INTS13: variants seen among roughly 807,000 people sequenced by gnomAD.
The protein encoded by INTS13 is asunder, spermatogenesis regulator homolog (Drosphila).
INTS13 carries 35 observed loss-of-function variants against 90.2 expected under a neutral mutation model. The observed-to-expected ratio is 0.39, with a 90% CI of 0.30 to 0.51. The LOEUF is 0.51. Among genes scored for constraint, INTS13 ranks in the 20% least tolerant of loss-of-function variants. The probability of loss-of-function intolerance (pLI) is 0.80; values close to 1 mark genes in which losing one functional copy is unlikely to be tolerated. For missense variants in INTS13, 601 were observed against 851.2 expected (o/e 0.71, Z 3.66); for synonymous variants, 309 against 277.1 (o/e 1.11, Z -1.14).
chr12:26,915,981 T>G (rs976070267), intron 11 of INTS13, 21 bp downstream of exon 11: 18 of 1,548,446 alleles, frequency 1.2e-5, no homozygotes, highest in Non-Finnish European at 1.6e-5. Flanking sequence ...AACTTAAAAT[T>G]TATAGATATT....
At position 26,913,456 on chromosome 12, in the gene INTS13, CCTCT is replaced by C; in HGVS notation, c.1802_1805del (p.Glu601AspfsTer2). ...GTGCTATATCAATGCCAGGAAGTCA[CCTCT>C]CTGAGTCTTGCCAAGACTTTTCCTG... On this transcript the variant is annotated frameshift_variant and splice_region_variant, in exon 14 of 17. Coordinates refer to ENST00000261191, the MANE Select transcript of INTS13 (RefSeq NM_018164.3). LOFTEE classifies it high-confidence loss of function. 6.2e-7 allele frequency: 1 copy of C among 1,613,608 alleles called. No homozygotes were observed. Among genetic ancestry groups the C allele is most frequent in the Non-Finnish European group, 8.5e-7 (1 of 1,179,610 alleles).
intron 8 of INTS13, among the ~76,000 whole-genome samples, chr12:26,921,548 G>T (rs753015905): frequency 2.0e-5 from 3 of 152,224 alleles, no homozygotes; most frequent in Non-Finnish European, 4.4e-5. Context: ...GGATGAACTA[G>T]TCAGTCTGGT....
chr12:26,913,368 T>C, intron 14 of INTS13, 89 bp downstream of exon 14: 1 of 875,188 alleles, frequency 1.1e-6, no homozygotes, highest in Non-Finnish European at 1.8e-6. Context: ...GAACTACTAT[T>C]AAATCAGGTT....
chr12:26,911,125 A>T, intron 15 of INTS13, 53 bp downstream of exon 15: 1 of 1,565,834 alleles, frequency 6.4e-7, no homozygotes, highest in Non-Finnish European at 8.6e-7. Flanking sequence ...GTAAGCCACC[A>T]CACCCGGCCT....
chr12:26,913,582 G>A lies in INTS13; in HGVS notation c.1680C>T (p.Cys560=). ...HQRVLECLMA[C]RSKPPEEEER... ...CTTCCTCTTCTGGGGGTTTGCTCCT[G>A]CATGCCATCAGACATTCCAAGACTC... The change falls in exon 14 of 17, where the codon TGC becomes TGT. Residue 560 remains cysteine, a synonymous_variant. Coordinates refer to ENST00000261191, the MANE Select transcript of INTS13 (RefSeq NM_018164.3). 1 of 1,614,000 alleles carries A rather than the reference G, an allele frequency of 6.2e-7. No individual in the cohort carries two copies. Among genetic ancestry groups the A allele is most frequent in the Non-Finnish European group, 8.5e-7 (1 of 1,179,984 alleles).
At chr12:26,931,100 T>A (rs1362137760) in intron 3 of INTS13, among the ~76,000 whole-genome samples, 2 of 151,718 alleles carry the variant, frequency 1.3e-5, no homozygotes, top group Admixed American at 6.6e-5. Flanking sequence ...AGCATTCTAT[T>A]TAAAACTAAC....
intron 3 of INTS13, 67 bp downstream of exon 3, chr12:26,934,488 AT>A (rs1307779049): frequency 1.3e-5 from 15 of 1,189,080 alleles, no homozygotes; most frequent in African/African-American, 4.6e-5. Context: ...AAAATTAGTC[AT>A]TTTTTTAAAA....
chr12:26,908,521 A>C (rs1446961387), intron 15 of INTS13, among the ~76,000 whole-genome samples: 1 of 152,038 alleles, frequency 6.6e-6, no homozygotes, highest in East Asian at 1.9e-4. Context: ...ATCTATATCA[A>C]CAAATGGTTA....
At chr12:26,927,553 T>A (rs949966237) in intron 5 of INTS13, among the ~76,000 whole-genome samples, 2 of 152,212 alleles carry the variant, frequency 1.3e-5, no homozygotes, top group African/African-American at 4.8e-5. Context: ...TGGTACATAC[T>A]GAATAACGCC....
intron 5 of INTS13, among the ~76,000 whole-genome samples, chr12:26,927,033 G>A (rs951998118): frequency 1.2e-4 from 18 of 152,226 alleles, no homozygotes; most frequent in African/African-American, 4.3e-4. Context: ...ACACATCCAT[G>A]TGCTGGGAGG....
At chr12:26,912,364 G>A (rs532396121) in intron 14 of INTS13, among the ~76,000 whole-genome samples, 1 of 152,154 alleles carries the variant, frequency 6.6e-6, no homozygotes, top group Non-Finnish European at 1.5e-5. Flanking sequence ...TTGAACCCAG[G>A]AGGCAGAGGC....
At chr12:26,925,695 T>A in intron 6 of INTS13, 66 bp downstream of exon 6, 1 of 1,296,570 alleles carries the variant, frequency 7.7e-7, no homozygotes, top group Non-Finnish European at 1.1e-6. Flanking sequence ...ATTTTAATGA[T>A]AACCCTTCTC....
chr12:26,928,923 C>T lies in INTS13; in HGVS notation c.301-18G>A. 6.2e-7 allele frequency: 1 copy of T among 1,609,204 alleles called. No homozygotes were observed. The highest frequency in any genetic ancestry group is 1.3e-5 in the African/African-American group (1 of 74,898). On this transcript the variant is annotated intron_variant, in intron 3 of 16. Coordinates refer to ENST00000261191, the MANE Select transcript of INTS13 (RefSeq NM_018164.3). ...GCCATTAGCTAAGTAAAAGGGAAAA[C>T]AATTATGTTGACAAGAGTATGTGCA...
rs755345565 is a variant in INTS13 at position 26,905,580 on chromosome 12, T to C, written c.2082-44A>G. 7 of 1,559,548 alleles carry C rather than the reference T, an allele frequency of 4.5e-6. No individual in the cohort carries two copies. In the South Asian group the frequency reaches 8.0e-5, roughly 18 times the overall value. ...AACGAGTTGATAAAATAAATATTCA[T>C]TAACATTTTGTCTCCTTATCTACCT... On this transcript the variant is annotated intron_variant, in intron 16 of 16. Transcript: ENST00000261191.
At chr12:26,919,496 A>G (rs1952044594) in intron 8 of INTS13, among the ~76,000 whole-genome samples, 1 of 152,206 alleles carries the variant, frequency 6.6e-6, no homozygotes, top group Non-Finnish European at 1.5e-5. Context: ...GAGGGTAAAG[A>G]GTAGATAGGG....
In INTS13 at chr12:26,913,997, A is replaced by G. The variant is rs149253141; in HGVS notation, c.1551T>C (p.Gly517=). 3 of 1,609,780 alleles carry G rather than the reference A, an allele frequency of 1.9e-6. No individual in the cohort carries two copies. The highest frequency in any genetic ancestry group is 8.5e-7 in the Non-Finnish European group (1 of 1,178,910). ...ACCTTTTAGGGCCCTTTCCTCTTGTACCAACTGTGGAAATAGGTAGAGGAT... is the reference window on the plus strand; with the variant it reads ...ACCTTTTAGGGCCCTTTCCTCTTGTGCCAACTGTGGAAATAGGTAGAGGAT... ...KNDPLPISTV[G]TRGKGPKRDE... Residue 517 remains glycine (G), a synonymous_variant, in exon 13 of 17, where the codon GGT becomes GGC. Transcript: ENST00000261191.
In INTS13 at chr12:26,914,729, T is replaced by C. The variant is rs75963799; in HGVS notation, c.1249-151A>G. ...GTATCCCTTAACTCCACTACTTTTT[T>C]ATCCTTTCTGAACTTGAAACCTATC... On this transcript the variant is annotated intron_variant, in intron 11 of 16. Coordinates refer to ENST00000261191, the MANE Select transcript of INTS13 (RefSeq NM_018164.3). 3.7e-3 allele frequency: 2,048 copies of C among 554,768 alleles called. 60 individuals are homozygous for C. In the East Asian group the frequency reaches 0.057, roughly 15 times the overall value. 34.4% of individuals were successfully genotyped at this position (554,768 alleles called of 1,614,324 possible).
intron 10 of INTS13, among the ~76,000 whole-genome samples, chr12:26,916,538 T>C (rs1308600248): frequency 2.0e-5 from 3 of 152,312 alleles, no homozygotes; most frequent in Non-Finnish European, 2.9e-5. Context: ...TTATTAATGC[T>C]ACAGAACATT....
At chr12:26,920,045 G>A (rs1211278759) in intron 8 of INTS13, among the ~76,000 whole-genome samples, 7 of 151,538 alleles carry the variant, frequency 4.6e-5, no homozygotes, top group Admixed American at 6.6e-5. Flanking sequence ...GGAAAATGGC[G>A]TGAACCCAGG....
Sources: gnomAD v4.1 joint callset for allele counts (sites outside exome capture counted in the v4.1 genomes callset) on GRCh38, gnomAD v4.1.1 for gene constraint, MANE v1.5 for transcripts, NCBI Gene and HGNC (gene_info 2026-07-23, HGNC 2026-07-21) for gene names.